Variants in NOTCH4 observed in about 807,000 individuals in gnomAD.
NOTCH4 encodes neurogenic locus notch homolog protein 4.
NOTCH4 carries 138 observed loss-of-function variants against 189.0 expected under a neutral mutation model. The ratio of observed to expected loss-of-function variants is 0.73; its 90% CI spans 0.64 to 0.84. The LOEUF is 0.84. Ranked by LOEUF, NOTCH4 falls within the 40% of genes least tolerant of loss-of-function variation. The probability of loss-of-function intolerance (pLI) is 0.00; values close to 1 mark genes in which losing one functional copy is unlikely to be tolerated. For synonymous variants in NOTCH4, 942 were observed against 1,032.8 expected (o/e 0.91, Z 1.69); for missense variants, 2,286 against 2,605.4 (o/e 0.88, Z 2.67).
In NOTCH4 at chr6:32,202,101, C is replaced by G; in HGVS notation, c.3730G>C (p.Asp1244His). The change falls in exon 21 of 30, where the codon GAC becomes CAC. Residue 1244 changes from aspartate (D) to histidine (H), a missense_variant. Transcript: ENST00000375023. This position sits in a 1 kb window ranked among gnomAD's most constrained non-coding sequence, Gnocchi z 5.7. ...DSEECLFDGY[D>H]CETPPACTPA... ...GTGCAGGCTGGAGGGGTCTCACAGTCGTAGCCATCAAACAGACACTCTTCA... is the reference window on the plus strand; with the variant it reads ...GTGCAGGCTGGAGGGGTCTCACAGTGGTAGCCATCAAACAGACACTCTTCA... 6.7e-7 allele frequency: 1 copy of G among 1,492,464 alleles called. No individual in the cohort carries two copies. The highest frequency in any genetic ancestry group is 8.9e-7 in the Non-Finnish European group (1 of 1,117,732). 92.5% of individuals were successfully genotyped at this position (1,492,464 alleles called of 1,614,324 possible).
intron 8 of NOTCH4, among the ~76,000 whole-genome samples, chr6:32,218,876 C>T (rs116161773): frequency 1.1e-3 from 166 of 152,260 alleles, no homozygotes; most frequent in African/African-American, 3.8e-3. Flanking sequence ...AGCTGGGTGA[C>T]CTTGGACAAG....
rs761314959 is a variant in NOTCH4, at chr6:32,198,986, C to T, written c.4475G>A (p.Arg1492Gln). The T allele has an allele frequency of 1.2e-5, 19 of 1,610,520 alleles. No homozygotes were observed. Among genetic ancestry groups the T allele is most frequent in the Admixed American group, 8.4e-5 (5 of 59,708 alleles). ...WLPPGFTRRP[R>Q]TQSAPHRRRP... ...GCGTCGGTGGGGAGCTGACTGAGTCCGAGGCCGTCGAGTGAAACCAGGGGG... is the reference window on the plus strand; with the variant it reads ...GCGTCGGTGGGGAGCTGACTGAGTCTGAGGCCGTCGAGTGAAACCAGGGGG... The change falls in exon 24 of 30, where the codon CGG becomes CAG. Residue 1492 changes from arginine (R) to glutamine (Q), a missense_variant. Arg to Gln is a conservative substitution (Grantham distance 43). Transcript: ENST00000375023. This position sits in a 1 kb window ranked among gnomAD's most constrained non-coding sequence, Gnocchi z 5.5.
chr6:32,219,495 A>C, intron 8 of NOTCH4, 97 bp downstream of exon 8: 1 of 1,142,954 alleles, frequency 8.7e-7, no homozygotes, highest in East Asian at 2.6e-5. Context: ...ACTTACGCCA[A>C]TTGGCCTGAA....
Position 32,201,460 on chromosome 6 carries a change from C to CCACA in NOTCH4, c.3795_3796insTGTG (p.Gly1266CysfsTer5). On this transcript the variant is annotated frameshift_variant, in exon 22 of 30. Transcript: ENST00000375023. LOFTEE classifies it high-confidence loss of function. The surrounding 1 kb of genome is among the most constrained non-coding windows in gnomAD (Gnocchi z 5.5). Reference sequence around the variant, plus strand: ...GTGTTGCAGCCTTTCTCACAGTGCCCGTTGTGGAAGTGATCATGGCAGTAC... The same window carrying CCACA: ...GTGTTGCAGCCTTTCTCACAGTGCCCCACAGTTGTGGAAGTGATCATGGCAGTAC... 1 of 1,527,116 alleles carries CCACA rather than the reference C, an allele frequency of 6.5e-7. No homozygotes were observed. The highest frequency in any genetic ancestry group is 1.3e-5 in the South Asian group (1 of 76,534). The allele number at this position is 1,527,116 out of a possible 1,614,324, so 94.6% of individuals were successfully genotyped here. A position where few individuals can be genotyped will look rare whatever the true frequency, so the allele number is the denominator to read the frequency against.
At chr6:32,223,716 G>A (rs1215030731) in intron 1 of NOTCH4, 140 bp downstream of exon 1, 1 of 870,408 alleles carries the variant, frequency 1.1e-6, no homozygotes, top group Non-Finnish European at 1.8e-6. Context: ...TTTCCCTGGA[G>A]GCCGTCTCTA....
rs756834244 is a variant in NOTCH4 at position 32,204,132 on chromosome 6, C to G, written c.3118+5G>C. The G allele has an allele frequency of 3.7e-6, 6 of 1,612,268 alleles. No individual in the cohort carries two copies. The highest frequency in any genetic ancestry group is 3.4e-6 in the Non-Finnish European group (4 of 1,179,828). ...ACACTTGTGCCCCTTGTCTTGGGGC[C>G]TCACCTGTGTGTCCAGGCAGACACT... On this transcript the variant is annotated splice_donor_5th_base_variant and intron_variant, in intron 19 of 29. Transcript: ENST00000375023.
At position 32,220,244 on chromosome 6, in the gene NOTCH4, C is replaced by T. The variant is rs146164508; in HGVS notation, c.1200G>A (p.Pro400=). 1.2e-4 allele frequency: 190 copies of T among 1,613,672 alleles called. No homozygotes were observed. The African/African-American group carries it at 1.9e-3, about 16-fold the overall frequency. Residue 400 remains proline, a synonymous_variant, in exon 7 of 30, where the codon CCG becomes CCA. Coordinates refer to ENST00000375023, the MANE Select transcript of NOTCH4 (RefSeq NM_004557.4). ...TGCTGCATTGGGCATCCCCATGGCACGGCTGGCTCAGACACATGTCTTCCA... is the reference window on the plus strand; with the variant it reads ...TGCTGCATTGGGCATCCCCATGGCATGGCTGGCTCAGACACATGTCTTCCA... ...CHLEDMCLSQ[P]CHGDAQCSTN...
intron 18 of NOTCH4, among the ~76,000 whole-genome samples, chr6:32,208,688 C>G (rs118183631): frequency 3.9e-5 from 6 of 152,092 alleles, no homozygotes; most frequent in African/African-American, 1.4e-4. Context: ...GAGCTGAGAT[C>G]AAGTCACTGT....
chr6:32,198,987 G>T lies in NOTCH4; in HGVS notation c.4474C>A (p.Arg1492=), dbSNP rs771787319. 1 of 1,611,058 alleles carries T rather than the reference G, an allele frequency of 6.2e-7. No individual in the cohort carries two copies. Among genetic ancestry groups the T allele is most frequent in the Non-Finnish European group, 8.5e-7 (1 of 1,178,934 alleles). Residue 1492 remains arginine (R), a synonymous_variant, in exon 24 of 30, where the codon CGG becomes AGG. Coordinates refer to ENST00000375023, the MANE Select transcript of NOTCH4 (RefSeq NM_004557.4). This position sits in a 1 kb window ranked among gnomAD's most constrained non-coding sequence, Gnocchi z 5.5. ...CGTCGGTGGGGAGCTGACTGAGTCC[G>T]AGGCCGTCGAGTGAAACCAGGGGGC... The part of the protein sequence containing the change: ...WLPPGFTRRP[R]TQSAPHRRRP...
At chr6:32,223,178 A>G in intron 1 of NOTCH4, 92 bp from the exon 2 acceptor site, 2 of 908,222 alleles carry the variant, frequency 2.2e-6, no homozygotes, top group East Asian at 4.8e-5. Flanking sequence ...TGCCCACAGC[A>G]GCTCCCACAG....
In NOTCH4 at chr6:32,212,658, C is replaced by T. The variant is rs1789099887; in HGVS notation, c.2527-31G>A. 1 of 1,590,024 alleles carries T rather than the reference C, an allele frequency of 6.3e-7. No individual in the cohort carries two copies. Among genetic ancestry groups the T allele is most frequent in the Non-Finnish European group, 8.6e-7 (1 of 1,168,478 alleles). On this transcript the variant is annotated intron_variant, in intron 16 of 29. Transcript: ENST00000375023. The surrounding 1 kb of genome is among the most constrained non-coding windows in gnomAD (Gnocchi z 4.4). The stretch of plus-strand genomic sequence containing the variant: ...GGGTGGGAGGGAGCGTGAGGCAGGA[C>T]ATAGCATCAGATTCTCAGCCCAGAG...
In NOTCH4 at chr6:32,213,204, G is replaced by A; in HGVS notation, c.2369C>T (p.Ser790Phe). 1 of 1,614,086 alleles carries A rather than the reference G, an allele frequency of 6.2e-7. No individual in the cohort carries two copies. The highest frequency in any genetic ancestry group is 8.5e-7 in the Non-Finnish European group (1 of 1,179,986). Residue 790 changes from serine to phenylalanine, a missense_variant, in exon 15 of 30, where the codon TCC becomes TTC. Around this residue, in one of 2 missense-constraint regions of NOTCH4, gnomAD observed 1,903 missense variants for 2,261.9 expected, o/e 0.84. Transcript: ENST00000375023. ...GTCVNRPGTF[S>F]CLCAMGFQGP... ...CTGGAAGCCCATGGCACAGAGGCAG[G>A]AGAAGGTGCCAGGCCTGTTCACACA...
rs771787319 is a variant in NOTCH4, at chr6:32,198,987, G to A, written c.4474C>T (p.Arg1492Trp). The change falls in exon 24 of 30, where the codon CGG becomes TGG. Residue 1492 changes from arginine (R) to tryptophan (W), a missense_variant. Transcript: ENST00000375023. This position sits in a 1 kb window ranked among gnomAD's most constrained non-coding sequence, Gnocchi z 5.5. ...CGTCGGTGGGGAGCTGACTGAGTCC[G>A]AGGCCGTCGAGTGAAACCAGGGGGC... The part of the protein sequence containing the change: ...WLPPGFTRRP[R>W]TQSAPHRRRP... 7 of 1,610,940 alleles carry A rather than the reference G, an allele frequency of 4.3e-6. No homozygotes were observed. Among genetic ancestry groups the A allele is most frequent in the South Asian group, 2.2e-5 (2 of 90,820 alleles).
chr6:32,219,837 A>G, intron 7 of NOTCH4, 51 bp from the exon 8 acceptor site: 1 of 1,475,296 alleles, frequency 6.8e-7, no homozygotes, highest in South Asian at 1.2e-5. Context: ...CAGGAAGGGC[A>G]AGGAGGTGAG....
chr6:32,223,776 G>A lies in NOTCH4; in HGVS notation c.73+80C>T, dbSNP rs753548892. 2.6e-4 allele frequency: 361 copies of A among 1,414,944 alleles called. 1 individual carries two copies. The highest frequency in any genetic ancestry group is 3.3e-4 in the Non-Finnish European group (340 of 1,025,666). The allele number at this position is 1,414,944 out of a possible 1,614,324, so 87.6% of individuals were successfully genotyped here. On this transcript the variant is annotated intron_variant, in intron 1 of 29. Transcript: ENST00000375023. Reference sequence around the variant, plus strand: ...TCCAGCATCCCTCACACGGCCTGGGGCTTGGCCCTCTTCCCCCACCCCACT... The same window carrying A: ...TCCAGCATCCCTCACACGGCCTGGGACTTGGCCCTCTTCCCCCACCCCACT...
intron 18 of NOTCH4, among the ~76,000 whole-genome samples, chr6:32,206,239 A>C (rs1788672851): frequency 6.6e-6 from 1 of 152,132 alleles, no homozygotes; most frequent in Non-Finnish European, 1.5e-5. Context: ...AGAAAGAAAT[A>C]AAGGGCATCC....
rs61729679 is a variant in NOTCH4, at chr6:32,203,855, G to A, written c.3146C>T (p.Pro1049Leu). Residue 1049 changes from proline (P) to leucine (L), a missense_variant, in exon 20 of 30, where the codon CCC becomes CTC. Pro to Leu is a moderately conservative substitution (Grantham distance 98). This residue lies in a region of NOTCH4 where 1,903 missense variants were observed against 2,261.9 expected (regional missense o/e 0.84). Transcript: ENST00000375023. ...ATGAAAGCAGGGTTGGCTGTGGCAG[G>A]GGTCTATCTCCACCTCACACCACTG... Reference protein sequence around the residue: ...TGQWCEVEIDPCHSQPCFHGG... With the variant: ...TGQWCEVEIDLCHSQPCFHGG... 287 of 1,559,646 alleles carry A rather than the reference G, an allele frequency of 1.8e-4. 2 individuals carry two copies. The African/African-American group carries it at 2.9e-3, about 16-fold the overall frequency.
At chr6:32,213,061 C>T (rs1789131198) in intron 15 of NOTCH4, 74 bp downstream of exon 15, 1 of 1,313,240 alleles carries the variant, frequency 7.6e-7, no homozygotes, top group African/African-American at 1.4e-5. Context: ...GCCTGGAACC[C>T]AGGGGGAGAT....
In NOTCH4 at chr6:32,215,234, G is replaced by A. The variant is rs1299385808; in HGVS notation, c.2013C>T (p.His671=). ...GGTCTGGAAGATGTTACCTCTGGCA[G>A]TGCCCGTGGTGGCAGGTGCAGTTGT... ...PEDNCTCHHG[H]CQRSSCVCDV... The change falls in exon 12 of 30, where the codon CAC becomes CAT. Residue 671 remains histidine, a synonymous_variant. Transcript: ENST00000375023. 3.8e-6 allele frequency: 6 copies of A among 1,599,672 alleles called. No individual in the cohort carries two copies. Among genetic ancestry groups the A allele is most frequent in the Non-Finnish European group, 5.1e-6 (6 of 1,174,568 alleles).
Sources: gnomAD v4.1 joint callset for allele counts (sites outside exome capture counted in the v4.1 genomes callset) on GRCh38, gnomAD v4.1.1 for gene constraint, gnomAD v4.1.1 regional missense constraint, Gnocchi (gnomAD v3.1) non-coding constraint, MANE v1.5 for transcripts, NCBI Gene and HGNC (gene_info 2026-07-23, HGNC 2026-07-21) for gene names.